The following ANK2 variants were observed in gnomAD, a reference collection of about 807,000 sequenced individuals.
ANK2 encodes ankyrin 2.
Under a neutral mutation model 360.5 loss-of-function variants are expected in ANK2, and 83 were observed. The ratio of observed to expected loss-of-function variants is 0.23; its 90% CI spans 0.19 to 0.28. The LOEUF is 0.28. Among genes scored for constraint, ANK2 ranks in the 10% least tolerant of loss-of-function variants. ANK2 has a pLI of 1.00. For synonymous variants in ANK2, 1,740 were observed against 1,759.5 expected, an observed-to-expected ratio of 0.99 and a Z score of 0.28; for missense variants, 4,201 against 4,795.7, an observed-to-expected ratio of 0.88 and a Z score of 3.66.
rs1275616940 is a variant in ANK2 at position 113,356,716 on chromosome 4, G to T, written c.8098G>T (p.Asp2700Tyr). 3 of 1,614,000 alleles carry T rather than the reference G, an allele frequency of 1.9e-6. No homozygotes were observed. The highest frequency in any genetic ancestry group is 2.2e-5 in the South Asian group (2 of 91,088). Residue 2700 changes from aspartate (D) to tyrosine (Y), a missense_variant, in exon 38 of 46, where the codon GAC (aspartate) becomes TAC (tyrosine). By Grantham distance (160) the Asp-to-Tyr change is radical (BLOSUM62 -3). This residue lies in a region of ANK2 where 2,642 missense variants were observed against 2,714.5 expected (regional missense o/e 0.97). Coordinates refer to ENST00000357077, the MANE Select transcript of ANK2 (RefSeq NM_001148.6). ...QPPSPLPSSM[D>Y]SNSSPEEVQF... The stretch of plus-strand genomic sequence containing the variant: ...TCCTTCTCCACTTCCATCAAGCATG[G>T]ACTCCAATTCCAGTCCAGAAGAAGT...
rs189588641 is a variant in ANK2, at chr4:113,059,605, G to C, written c.84+9793G>C. Among the ~76,000 whole-genome samples the C allele has an allele frequency of 8.3e-4, 127 of 152,200 alleles. No individual in the cohort carries two copies. In the South Asian group the frequency reaches 9.1e-3, roughly 11 times the overall value. Reference sequence around the variant, plus strand: ...TTCCTCTGTCCCAATAAAGTACAGAGACTGTACTTTGAGAATTCAGAAATT... The same window carrying C: ...TTCCTCTGTCCCAATAAAGTACAGACACTGTACTTTGAGAATTCAGAAATT... On this transcript the variant is annotated intron_variant, in intron 1 of 45. Transcript: ENST00000357077.
At chr4:113,281,892 G>A (rs1425139517) in intron 17 of ANK2, among the ~76,000 whole-genome samples, 1 of 152,110 alleles carries the variant, frequency 6.6e-6, no homozygotes, top group East Asian at 1.9e-4. Flanking sequence ...GGGAGATCTA[G>A]GATTTGAATG....
At chr4:112,815,823 C>G (rs1443951890), upstream of ANK2, among the ~76,000 whole-genome samples, 1 of 152,200 alleles carries the variant, frequency 6.6e-6, no homozygotes, top group Non-Finnish European at 1.5e-5. Context: ...TCAAACACCA[C>G]GGGGACAGAA....
intron 2 of ANK2, among the ~76,000 whole-genome samples, chr4:112,917,362 C>A (rs2090178985): frequency 6.6e-6 from 1 of 152,138 alleles, no homozygotes; most frequent in African/African-American, 2.4e-5. Flanking sequence ...TAAGATTTTG[C>A]TTTATAACTT....
intron 1 of ANK2, among the ~76,000 whole-genome samples, chr4:113,063,014 C>T (rs2154335551): frequency 6.6e-6 from 1 of 152,062 alleles, no homozygotes; most frequent in East Asian, 1.9e-4. Flanking sequence ...ATGATAAGTG[C>T]CTGTGTTATA....
intron 2 of ANK2, among the ~76,000 whole-genome samples, chr4:113,186,136 A>G (rs918147008): frequency 1.2e-4 from 18 of 152,118 alleles, no homozygotes; most frequent in Admixed American, 5.9e-4. Flanking sequence ...GCTGACAGAC[A>G]CCTCATACAG....
At chr4:112,795,788 C>A in the ANK2 span, among the ~76,000 whole-genome samples, 1 of 147,272 alleles carries the variant, frequency 6.8e-6, no homozygotes, top group East Asian at 2.1e-4. Flanking sequence ...AGGCGTGAGC[C>A]ACTGTGCCCA....
intron 2 of ANK2, among the ~76,000 whole-genome samples, chr4:113,028,420 A>G (rs2154302388): frequency 6.6e-6 from 1 of 152,310 alleles, no homozygotes; most frequent in East Asian, 1.9e-4. Context: ...ACACATATTA[A>G]GCACCTATGT....
chr4:113,359,154 A>T lies in ANK2; in HGVS notation c.10536A>T (p.Glu3512Asp). 1 of 1,613,640 alleles carries T rather than the reference A, an allele frequency of 6.2e-7. No homozygotes were observed. ...VSDDESSSAL[E>D]VSVIENLPPV... ...ACGATGAAAGTAGTAGTGCCCTGGA[A>T]GTATCAGTAATTGAAAATCTGCCAC... Residue 3512 changes from glutamate (E) to aspartate (D), a missense_variant, in exon 38 of 46, where the codon GAA becomes GAT. Transcript: ENST00000357077.
At chr4:112,834,481 A>G (rs1466759964) in intron 1 of ANK2, among the ~76,000 whole-genome samples, 4 of 152,228 alleles carry the variant, frequency 2.6e-5, no homozygotes, top group Admixed American at 1.3e-4. Context: ...GAAAATTTCT[A>G]TAATAAGAAA....
At chr4:112,733,798 G>A in the ANK2 span, among the ~76,000 whole-genome samples, 2 of 152,184 alleles carry the variant, frequency 1.3e-5, no homozygotes, top group East Asian at 1.9e-4. Context: ...TTTTTGAGAC[G>A]GAGTCTCACC....
chr4:113,139,147 G>A (rs1306269132), intron 1 of ANK2, among the ~76,000 whole-genome samples: 1 of 152,130 alleles, frequency 6.6e-6, no homozygotes, highest in Non-Finnish European at 1.5e-5. Context: ...GACAACCATG[G>A]CGTGCAACAT....
At chr4:112,836,879 A>C (rs1169110064) in intron 1 of ANK2, among the ~76,000 whole-genome samples, 3 of 152,256 alleles carry the variant, frequency 2.0e-5, no homozygotes, top group African/African-American at 7.2e-5. Context: ...AAAGGGAAAC[A>C]GAGCATAAAA....
intron 14 of ANK2, among the ~76,000 whole-genome samples, chr4:113,266,687 G>A (rs991401983): frequency 6.6e-6 from 1 of 152,190 alleles, no homozygotes; most frequent in Admixed American, 6.5e-5. Flanking sequence ...AGACCAGCCT[G>A]ACCAACATGG....
At chr4:113,200,888 G>T (rs915438501) in intron 4 of ANK2, among the ~76,000 whole-genome samples, 1 of 152,058 alleles carries the variant, frequency 6.6e-6, no homozygotes, top group Non-Finnish European at 1.5e-5. Flanking sequence ...GGCCTGTCAG[G>T]GGGTGGGGGG....
the ANK2 span, among the ~76,000 whole-genome samples, chr4:112,760,712 G>A: frequency 6.6e-6 from 1 of 151,666 alleles, no homozygotes; most frequent in African/African-American, 2.4e-5. Flanking sequence ...ATTCTTAAAG[G>A]TGGGCTCTTT....
chr4:112,755,732 TG>T, the ANK2 span: 2 of 178,256 alleles, frequency 1.1e-5, no homozygotes, highest in Non-Finnish European at 2.3e-5. Context: ...TGCAGGTCAC[TG>T]GGGATATGAT....
intron 26 of ANK2, chr4:113,323,732 TG>T: frequency 1.3e-6 from 2 of 1,597,686 alleles, no homozygotes; most frequent in Non-Finnish European, 1.7e-6. Context: ...GTTCCTTCTC[TG>T]TGCTAAAGTA....
intron 17 of ANK2, among the ~76,000 whole-genome samples, chr4:113,282,115 A>G (rs1414542152): frequency 6.6e-6 from 1 of 152,234 alleles, no homozygotes; most frequent in African/African-American, 2.4e-5. Context: ...TAGTAAGATA[A>G]TAGAAATAAT....
Sources: allele counts gnomAD v4.1 joint callset (sites outside exome capture counted in the v4.1 genomes callset), GRCh38; gene constraint gnomAD v4.1.1; regional missense constraint gnomAD v4.1.1; transcripts MANE v1.5; gene names NCBI Gene and HGNC (gene_info 2026-07-23, HGNC 2026-07-21).